The following FA2H variants were observed in gnomAD, a reference collection of about 807,000 sequenced individuals.
FA2H encodes the protein fatty acid 2-hydroxylase.
In FA2H, 22 loss-of-function variants were observed where a neutral mutation model predicts 44.9. The observed-to-expected ratio is 0.49, with a 90% confidence interval of 0.35 to 0.70. The LOEUF is 0.70. Ranked by LOEUF, FA2H falls within the 30% of genes least tolerant of loss-of-function variation. The pLI, the probability that FA2H is intolerant of heterozygous loss-of-function variation, is 0.01. For missense variants in FA2H, 501 were observed against 504.9 expected, an observed-to-expected ratio of 0.99 and a Z score of 0.07; for synonymous variants, 243 against 213.2, an observed-to-expected ratio of 1.14 and a Z score of -1.22.
intron 5 of FA2H, among the ~76,000 whole-genome samples, chr16:74,717,413 G>T (rs1372737826): frequency 2.6e-5 from 4 of 152,230 alleles, no homozygotes; most frequent in African/African-American, 9.6e-5. Context: ...TCAGGAAAAG[G>T]AGGAAGGGAG....
chr16:74,771,965 T>A (rs1299966498), intron 1 of FA2H, among the ~76,000 whole-genome samples: 5 of 151,876 alleles, frequency 3.3e-5, no homozygotes, highest in Non-Finnish European at 7.4e-5. Flanking sequence ...TTTTTTTTTT[T>A]TTTAAGATGG....
intron 2 of FA2H, among the ~76,000 whole-genome samples, chr16:74,733,812 G>C (rs111551699): frequency 6.6e-6 from 1 of 152,192 alleles, no homozygotes; most frequent in Non-Finnish European, 1.5e-5. Context: ...TGCTGACACT[G>C]AGCAGCTGCC....
intron 1 of FA2H, among the ~76,000 whole-genome samples, chr16:74,769,913 G>C (rs529155269): frequency 1.3e-5 from 2 of 152,246 alleles, no homozygotes; most frequent in Non-Finnish European, 2.9e-5. Flanking sequence ...CAGGCAGCAT[G>C]TTGGCTCAAA....
chr16:74,762,046 C>T (rs1962722471), intron 1 of FA2H, among the ~76,000 whole-genome samples: 1 of 145,964 alleles, frequency 6.9e-6, no homozygotes, highest in African/African-American at 2.6e-5. Flanking sequence ...ATTGTGCTTC[C>T]ACACAATTTT....
At position 74,748,374 on chromosome 16, in the gene FA2H, C is replaced by T. The variant is rs901900060; in HGVS notation, c.271-8259G>A. On this transcript the variant is annotated intron_variant, in intron 1 of 6. Transcript: ENST00000219368. ...CTTCACCGAGGCGCACATGTGGCGG[C>T]GTCTCACTGGGGCGGACACAACTCT... Among the ~76,000 whole-genome samples the T allele has an allele frequency of 2.0e-5, 3 of 152,354 alleles. No individual in the cohort carries two copies. The East Asian group carries it at 5.8e-4, about 29-fold the overall frequency.
At chr16:74,746,737 C>G (rs1036955599) in intron 1 of FA2H, among the ~76,000 whole-genome samples, 3 of 152,098 alleles carry the variant, frequency 2.0e-5, no homozygotes, top group African/African-American at 4.8e-5. Context: ...CAGAGACAGA[C>G]GAGAGCAGGG....
chr16:74,736,289 C>A (rs895946935), intron 2 of FA2H, among the ~76,000 whole-genome samples: 2 of 152,150 alleles, frequency 1.3e-5, no homozygotes, highest in African/African-American at 4.8e-5. Context: ...GCCCTCCAGA[C>A]CCCTACTCTG....
chr16:74,728,116 T>A (rs540094351), intron 2 of FA2H, among the ~76,000 whole-genome samples: 31 of 152,260 alleles, frequency 2.0e-4, no homozygotes, highest in African/African-American at 7.5e-4. Context: ...GAGCCTCAGT[T>A]TCCCCAGCTA....
chr16:74,728,593 A>G (rs571018482), intron 2 of FA2H, among the ~76,000 whole-genome samples: 1 of 152,242 alleles, frequency 6.6e-6, no homozygotes, highest in African/African-American at 2.4e-5. Flanking sequence ...GGCTTAGATG[A>G]TAGAACACCC....
At chr16:74,754,563 T>A (rs1962580954) in intron 1 of FA2H, among the ~76,000 whole-genome samples, 1 of 152,176 alleles carries the variant, frequency 6.6e-6, no homozygotes, top group Non-Finnish European at 1.5e-5. Context: ...GGTCTGGCTC[T>A]GTCACACAGG....
At chr16:74,741,884 G>T (rs1567643314) in intron 1 of FA2H, among the ~76,000 whole-genome samples, 1 of 147,086 alleles carries the variant, frequency 6.8e-6, no homozygotes, top group African/African-American at 2.5e-5. Context: ...GTGTGTGTGT[G>T]TATCATGCTG....
In FA2H at chr16:74,714,285, A is replaced by G; in HGVS notation, c.1040-16T>C. ...ATACCAAATCCTAGAGAGGGAGACA[A>G]ACGGGGAGAAGATGAGGCATTGAAG... is the stretch of plus-strand genomic sequence containing the variant. On this transcript the variant is annotated splice_polypyrimidine_tract_variant and intron_variant, in intron 6 of 6. Transcript: ENST00000219368. 6.6e-7 allele frequency: 1 copy of G among 1,516,042 alleles called. No homozygotes were observed. Among genetic ancestry groups the G allele is most frequent in the Admixed American group, 2.0e-5 (1 of 51,236 alleles). The allele number at this position is 1,516,042 out of a possible 1,614,324, so 93.9% of individuals were successfully genotyped here.
In FA2H at chr16:74,774,645, GGA is replaced by G; in HGVS notation, c.109_110del (p.Ser37GlnfsTer64). 1 of 1,487,318 alleles carries G rather than the reference GGA, an allele frequency of 6.7e-7. No homozygotes were observed. Among genetic ancestry groups the G allele is most frequent in the Non-Finnish European group, 8.9e-7 (1 of 1,125,494 alleles). 92.1% of individuals were successfully genotyped at this position (1,487,318 alleles called of 1,614,324 possible). ...VRRGARLYDL[S>X]SFVRHHPGGE... is the part of the protein sequence containing the mutation. ...CCCCCGGGTGGTGCCGCACGAAGCT[GGA>G]GAGGTCGTAGAGGCGGGCCCCGCGG... On this transcript the variant is annotated frameshift_variant, in exon 1 of 7. Coordinates refer to ENST00000219368, the MANE Select transcript of FA2H (RefSeq NM_024306.5). LOFTEE classifies it high-confidence loss of function.
At chr16:74,760,953 A>G (rs1017374319) in intron 1 of FA2H, among the ~76,000 whole-genome samples, 1 of 151,550 alleles carries the variant, frequency 6.6e-6, no homozygotes, top group African/African-American at 2.4e-5. Context: ...GTAGAAATCT[A>G]TGGGGCGGGG....
intron 2 of FA2H, among the ~76,000 whole-genome samples, chr16:74,731,927 C>A (rs146608108): frequency 6.6e-6 from 1 of 152,174 alleles, no homozygotes; most frequent in Non-Finnish European, 1.5e-5. Flanking sequence ...AGTGAGAGTG[C>A]GGTGGCATGG....
At chr16:74,724,059 G>A (rs1225679668) in intron 4 of FA2H, among the ~76,000 whole-genome samples, 3 of 152,092 alleles carry the variant, frequency 2.0e-5, no homozygotes, top group African/African-American at 4.8e-5. Flanking sequence ...ACACCATCAT[G>A]CCTGGCTAAT....
chr16:74,735,936 T>A (rs969323363), intron 2 of FA2H, among the ~76,000 whole-genome samples: 2 of 152,196 alleles, frequency 1.3e-5, no homozygotes, highest in African/African-American at 4.8e-5. Flanking sequence ...TGAGCTGCAA[T>A]CTTGCCACTG....
intron 2 of FA2H, among the ~76,000 whole-genome samples, chr16:74,728,266 T>G (rs140014649): frequency 1.3e-5 from 2 of 152,144 alleles, no homozygotes; most frequent in South Asian, 4.2e-4. Context: ...TCTTCAAAAA[T>G]AAAAAAATAA....
chr16:74,738,480 C>A (rs540452719), intron 2 of FA2H, among the ~76,000 whole-genome samples: 1 of 152,130 alleles, frequency 6.6e-6, no homozygotes, highest in African/African-American at 2.4e-5. Flanking sequence ...CTGGATCTCC[C>A]GTCCCCAGCC....
Sources: allele counts gnomAD v4.1 joint callset (sites outside exome capture counted in the v4.1 genomes callset), GRCh38; gene constraint gnomAD v4.1.1; transcripts MANE v1.5; gene names NCBI Gene and HGNC (gene_info 2026-07-23, HGNC 2026-07-21).